Variants in PDXDC1 observed in about 807,000 individuals in gnomAD.
The protein encoded by PDXDC1 is pyridoxal-dependent decarboxylase domain-containing protein 1.
Under a neutral mutation model 100.1 loss-of-function variants are expected in PDXDC1, and 42 were observed. The ratio of observed to expected loss-of-function variants is 0.42; its 90% CI spans 0.33 to 0.54. The LOEUF is 0.54. Ranked by LOEUF, PDXDC1 falls within the 20% of genes least tolerant of loss-of-function variation. The pLI is 0.10. For missense variants in PDXDC1, 636 were observed against 979.2 expected (o/e 0.65, Z 4.68); for synonymous variants, 260 against 371.7 (o/e 0.70, Z 3.46).
chr16:15,135,955 A>G, intron 16 of PDXDC1: 4 of 1,576,662 alleles, frequency 2.5e-6, no homozygotes, highest in Middle Eastern at 2.3e-4. Context: ...GCAGGGCCAC[A>G]CGCGCCGGGC....
intron 16 of PDXDC1, chr16:15,131,624 C>A (rs1262219751): frequency 4.4e-6 from 7 of 1,595,966 alleles, no homozygotes; most frequent in African/African-American, 1.4e-5. Flanking sequence ...GCCTGGGACG[C>A]CACCATCCGC....
At chr16:15,132,791 GTC>G in intron 16 of PDXDC1, 1 of 1,246,770 alleles carries the variant, frequency 8.0e-7, no homozygotes, top group Non-Finnish European at 1.2e-6. Flanking sequence ...GGACACCAGA[GTC>G]TCCGTGATGT....
chr16:15,037,923 G>A lies in PDXDC1; in HGVS notation c.*1648G>A. ...AGTCATTTGAAAGACACTGAGGAGG[G>A]AAGGAGGCCTAAGACCCAACAGATG... On this transcript the variant is annotated 3_prime_UTR_variant, in exon 23 of 23. Transcript: ENST00000396410. The A allele has an allele frequency of 1.5e-6, 1 of 677,354 alleles. No individual in the cohort carries two copies. The highest frequency in any genetic ancestry group is 2.5e-6 in the Non-Finnish European group (1 of 393,936). The allele number at this position is 677,354 out of a possible 1,614,324, so 42.0% of individuals were successfully genotyped here. A position where few individuals can be genotyped will look rare whatever the true frequency, so the allele number is the denominator to read the frequency against.
In PDXDC1 at chr16:15,036,500, T is replaced by G; in HGVS notation, c.*225T>G. 1.8e-6 allele frequency: 1 copy of G among 543,200 alleles called. No homozygotes were observed. The highest frequency in any genetic ancestry group is 2.8e-5 in the South Asian group (1 of 35,940). 33.6% of individuals were successfully genotyped at this position (543,200 alleles called of 1,614,324 possible). A position where few individuals can be genotyped will look rare whatever the true frequency, so the allele number is the denominator to read the frequency against. On this transcript the variant is annotated 3_prime_UTR_variant, in exon 23 of 23. Coordinates refer to ENST00000396410, the MANE Select transcript of PDXDC1 (RefSeq NM_015027.4). ...ACGTTTGCTGTCCTACTACGACTTT[T>G]CCCTAAGTTACCATAAACACATTTT... is the stretch of plus-strand genomic sequence containing the variant.
chr16:15,147,734 G>C, the PDXDC1 span, among the ~76,000 whole-genome samples: 53 of 152,210 alleles, frequency 3.5e-4, no homozygotes, highest in African/African-American at 1.2e-3. Context: ...TGTTGACCAG[G>C]CTAGAGTGCA....
rs536605586 is a variant in PDXDC1, at chr16:15,130,841, G to A, written c.1400-8038G>A. The A allele has an allele frequency of 1.1e-3, 814 of 760,562 alleles. 17 individuals are homozygous for A. The African/African-American group carries it at 0.011, about 10-fold the overall frequency. The allele number at this position is 760,562 out of a possible 1,614,324, so 47.1% of individuals were successfully genotyped here. On this transcript the variant is annotated intron_variant, in intron 16 of 16. Transcript: ENST00000535621. ...CGCCTGCTGGGAAGCTCAACCACCC[G>A]GGGGACACCCACGATGGCCCTCCTG...
At chr16:15,076,207 A>T (rs143397210) in intron 16 of PDXDC1, among the ~76,000 whole-genome samples, 8 of 152,270 alleles carry the variant, frequency 5.3e-5, no homozygotes, top group African/African-American at 1.9e-4. Flanking sequence ...CACCCAAAAG[A>T]AGTAATGCTA....
intron 16 of PDXDC1, chr16:15,125,894 A>T: frequency 1.4e-6 from 1 of 705,416 alleles, no homozygotes; most frequent in East Asian, 2.7e-5. Context: ...CAGACAGGAC[A>T]GAGCCCGGTG....
At chr16:15,072,941 C>G in intron 16 of PDXDC1, 1 of 1,613,234 alleles carries the variant, frequency 6.2e-7, no homozygotes, top group Non-Finnish European at 8.5e-7. Flanking sequence ...TAATCACATT[C>G]TTACTCACCA....
intron 16 of PDXDC1, chr16:15,133,226 T>A (rs2048193013): frequency 1.5e-6 from 2 of 1,327,200 alleles, no homozygotes; most frequent in Admixed American, 3.5e-5. Flanking sequence ...CCAGCACGCA[T>A]GCAGCAGATG....
intron 16 of PDXDC1, chr16:15,094,197 C>A (rs760030149): frequency 6.9e-6 from 11 of 1,600,380 alleles, no homozygotes; most frequent in Middle Eastern, 1.7e-4. Context: ...GCGGCCGCAT[C>A]TCCCGGCAAA....
intron 16 of PDXDC1, among the ~76,000 whole-genome samples, chr16:15,097,406 C>T (rs776651396): frequency 2.7e-4 from 39 of 142,240 alleles, no homozygotes; most frequent in Admixed American, 1.3e-3. Flanking sequence ...AGGCGGATCA[C>T]GAGGTCAGGA....
At chr16:14,979,758 G>A (rs1380943273) in intron 1 of PDXDC1, among the ~76,000 whole-genome samples, 2 of 152,286 alleles carry the variant, frequency 1.3e-5, no homozygotes. Context: ...TCACCTTGCT[G>A]TTATGCTAGA....
Position 15,089,574 on chromosome 16 carries a change from G to C in PDXDC1, c.1400-49305G>C, listed in dbSNP as rs980372836. 2.4e-4 allele frequency among the ~76,000 whole-genome samples: 36 copies of C among 152,016 alleles called. 2 individuals carry two copies. The stretch of plus-strand genomic sequence containing the variant: ...CCAGCACTTTGGGAGGCCAAGGCGG[G>C]CGGATCACGAGGTCAGAAGATCGAG... On this transcript the variant is annotated intron_variant, in intron 16 of 16. Transcript: ENST00000535621.
chr16:14,976,305 G>T (rs566291934), intron 1 of PDXDC1, among the ~76,000 whole-genome samples: 139 of 152,388 alleles, frequency 9.1e-4, no homozygotes, highest in African/African-American at 3.2e-3. Context: ...ATTTTGAGCT[G>T]GTAGGAATAA....
At chr16:15,129,187 G>T (rs1443502116) in intron 16 of PDXDC1, among the ~76,000 whole-genome samples, 1 of 151,706 alleles carries the variant, frequency 6.6e-6, no homozygotes, top group Non-Finnish European at 1.5e-5. Flanking sequence ...ATGGGAACAC[G>T]GCCAGGTGTG....
intron 8 of PDXDC1, among the ~76,000 whole-genome samples, chr16:15,014,455 T>G (rs1197248127): frequency 6.6e-6 from 1 of 152,290 alleles, no homozygotes; most frequent in Non-Finnish European, 1.5e-5. Context: ...GAAAAGAGAA[T>G]CTGCATGCGA....
At chr16:15,146,529 C>G in the PDXDC1 span, among the ~76,000 whole-genome samples, 1 of 152,144 alleles carries the variant, frequency 6.6e-6, no homozygotes, top group African/African-American at 2.4e-5. Flanking sequence ...GGCAAACACC[C>G]AGAGGTAGGC....
chr16:15,097,468 CAAAAAAAAA>C (rs71152407), intron 16 of PDXDC1, among the ~76,000 whole-genome samples: 65 of 65,850 alleles, frequency 9.9e-4, no homozygotes, highest in African/African-American at 3.6e-3. Context: ...ACTAAAAATA[CAAAAAAAAA>C]AAAAAAAAAA....
Sources: allele counts gnomAD v4.1 joint callset (sites outside exome capture counted in the v4.1 genomes callset), GRCh38; gene constraint gnomAD v4.1.1; transcripts MANE v1.5; gene names NCBI Gene and HGNC (gene_info 2026-07-23, HGNC 2026-07-21).